The following C17orf50 variants were observed in gnomAD, a reference collection of about 807,000 sequenced individuals.
The protein encoded by C17orf50 is uncharacterized protein C17orf50.
In C17orf50, 16 loss-of-function variants were observed where a neutral mutation model predicts 17.7. The observed-to-expected ratio is 0.90, with a 90% CI of 0.61 to 1.37. C17orf50 has a LOEUF of 1.37. C17orf50 is among the 40% of genes most tolerant of loss of function. The pLI is 0.00. For missense variants in C17orf50, 271 were observed against 240.7 expected, an observed-to-expected ratio of 1.13 and a Z score of -0.83; for synonymous variants, 125 against 111.0, an observed-to-expected ratio of 1.13 and a Z score of -0.80.
At chr17:35,761,279 T>C (rs1356116041) in intron 1 of C17orf50, among the ~76,000 whole-genome samples, 2 of 151,642 alleles carry the variant, frequency 1.3e-5, no homozygotes, top group Non-Finnish European at 2.9e-5. Context: ...AATTTTTGTA[T>C]TTTGTATTTT....
Position 35,764,048 on chromosome 17 carries a change from C to T in C17orf50, c.55C>T (p.Arg19Trp), listed in dbSNP as rs1379619211. ...GTGGAAGAAGGAAACGGAAGAGCTCCGGGCCGAGGACGCGGAGCAAGAGGA... is the reference window on the plus strand; with the variant it reads ...GTGGAAGAAGGAAACGGAAGAGCTCTGGGCCGAGGACGCGGAGCAAGAGGA... ...PLWKKETEELRAEDAEQEEGK... is the reference protein window; with the variant it reads ...PLWKKETEELWAEDAEQEEGK... The change falls in exon 2 of 3, where the codon CGG (arginine) becomes TGG (tryptophan). Residue 19 changes from arginine (R) to tryptophan (W), a missense_variant. Coordinates refer to ENST00000605587, the MANE Select transcript of C17orf50 (RefSeq NM_145272.4). 3.9e-6 allele frequency: 6 copies of T among 1,549,256 alleles called. No homozygotes were observed. The highest frequency in any genetic ancestry group is 1.4e-5 in the African/African-American group (1 of 72,952).
At chr17:35,762,716 C>T (rs2085845062) in intron 1 of C17orf50, among the ~76,000 whole-genome samples, 1 of 152,082 alleles carries the variant, frequency 6.6e-6, no homozygotes, top group Non-Finnish European at 1.5e-5. Context: ...TGCTGTAAGC[C>T]CACCCGCCTG....
At position 35,764,726 on chromosome 17, in the gene C17orf50, C is replaced by G. The variant is rs2085901877; in HGVS notation, c.*108C>G. ...CCCTCTTCGACGCATTCCGCAGGAC[C>G]GCCCCTTCTCAGCTGCTGCCCAGAG... On this transcript the variant is annotated 3_prime_UTR_variant, in exon 3 of 3. Transcript: ENST00000605587. 8.0e-7 allele frequency: 1 copy of G among 1,253,836 alleles called. No homozygotes were observed. The highest frequency in any genetic ancestry group is 1.6e-5 in the South Asian group (1 of 63,922). 77.7% of individuals were successfully genotyped at this position (1,253,836 alleles called of 1,614,324 possible).
At chr17:35,762,455 G>A (rs184148415) in intron 1 of C17orf50, among the ~76,000 whole-genome samples, 38 of 152,300 alleles carry the variant, frequency 2.5e-4, no homozygotes, top group African/African-American at 9.1e-4. Context: ...TCTAGGGGAG[G>A]CCAGCTTAGT....
At position 35,764,475 on chromosome 17, in the gene C17orf50, C is replaced by A; in HGVS notation, c.382C>A (p.Pro128Thr). The change falls in exon 3 of 3, where the codon CCG (proline) becomes ACG (threonine). Residue 128 changes from proline (P) to threonine (T), a missense_variant. Transcript: ENST00000605587. ...GTGCGTGCTGGAGATCCGGCGACGA[C>A]CGCCGCGCCGCGGGGGCTGTGCTTG... is the stretch of plus-strand genomic sequence containing the variant. The part of the protein sequence containing the change: ...EPCVLEIRRR[P>T]PRRGGCACCE... 1.3e-6 allele frequency: 2 copies of A among 1,566,646 alleles called. No homozygotes were observed.
chr17:35,764,236 G>C lies in C17orf50; in HGVS notation c.243G>C (p.Gln81His), dbSNP rs1555602192. 1.3e-6 allele frequency: 2 copies of C among 1,543,252 alleles called. No individual in the cohort carries two copies. The highest frequency in any genetic ancestry group is 1.7e-6 in the Non-Finnish European group (2 of 1,144,698). ...CPLRQESSTQ[Q>H]VALLRRADSG... ...TGCGCCAGGAGTCCAGCACCCAGCA[G>C]GTGGCGCTGCTGCGGCGCGCGGACA... Residue 81 changes from glutamine (Q) to histidine (H), a missense_variant, in exon 2 of 3, where the codon CAG (glutamine) becomes CAC (histidine). Transcript: ENST00000605587.
In C17orf50 at chr17:35,764,516, C is replaced by A. The variant is rs1434594604; in HGVS notation, c.423C>A (p.Phe141Leu). 3 of 1,596,996 alleles carry A rather than the reference C, an allele frequency of 1.9e-6. No individual in the cohort carries two copies. Among genetic ancestry groups the A allele is most frequent in the Admixed American group, 3.4e-5 (2 of 58,702 alleles). ...GCTGTGCTTGCTGCGAGCTCCTCTT[C>A]TGCAAGAAATGCAGGAGTCTGCACA... ...RGGCACCELLFCKKCRSLHSH... is the reference protein window; with the variant it reads ...RGGCACCELLLCKKCRSLHSH... The change falls in exon 3 of 3, where the codon TTC (phenylalanine) becomes TTA (leucine). Residue 141 changes from phenylalanine to leucine, a missense_variant. Physicochemically the swap from Phe to Leu is conservative, Grantham distance 22 (BLOSUM62 0). Transcript: ENST00000605587.
At chr17:35,763,630 C>A (rs1555601952) in intron 1 of C17orf50, among the ~76,000 whole-genome samples, 2 of 151,682 alleles carry the variant, frequency 1.3e-5, no homozygotes, top group Admixed American at 6.6e-5. Context: ...GGTGCAGTGA[C>A]TCACGCCTGT....
chr17:35,764,478 C>G lies in C17orf50; in HGVS notation c.385C>G (p.Pro129Ala). ...PCVLEIRRRP[P>A]RRGGCACCEL... ...CGTGCTGGAGATCCGGCGACGACCGCCGCGCCGCGGGGGCTGTGCTTGCTG... is the reference window on the plus strand; with the variant it reads ...CGTGCTGGAGATCCGGCGACGACCGGCGCGCCGCGGGGGCTGTGCTTGCTG... The change falls in exon 3 of 3, where the codon CCG (proline) becomes GCG (alanine). Residue 129 changes from proline to alanine, a missense_variant. By Grantham distance (27) the Pro-to-Ala change is conservative. Coordinates refer to ENST00000605587, the MANE Select transcript of C17orf50 (RefSeq NM_145272.4). 6.4e-7 allele frequency: 1 copy of G among 1,568,632 alleles called. No individual in the cohort carries two copies.
At chr17:35,761,255 C>T (rs1273377567) in intron 1 of C17orf50, among the ~76,000 whole-genome samples, 3 of 151,566 alleles carry the variant, frequency 2.0e-5, no homozygotes, top group Non-Finnish European at 4.4e-5. Context: ...AGGAGCATGC[C>T]ACAACACCCA....
chr17:35,764,449 C>G lies in C17orf50; in HGVS notation c.356C>G (p.Pro119Arg), dbSNP rs781952915. ...AGGAAGCGGAGCCTCCCGGAGGAGCCGTGCGTGCTGGAGATCCGGCGACGA... is the reference window on the plus strand; with the variant it reads ...AGGAAGCGGAGCCTCCCGGAGGAGCGGTGCGTGCTGGAGATCCGGCGACGA... ...TDRKRSLPEE[P>R]CVLEIRRRPP... The change falls in exon 3 of 3, where the codon CCG becomes CGG. Residue 119 changes from proline (P) to arginine (R), a missense_variant. Physicochemically the swap from Pro to Arg is moderately radical, Grantham distance 103. Coordinates refer to ENST00000605587, the MANE Select transcript of C17orf50 (RefSeq NM_145272.4). 263 of 1,553,692 alleles carry G rather than the reference C, an allele frequency of 1.7e-4. 1 individual carries two copies. The South Asian group carries it at 3.0e-3, about 18-fold the overall frequency.
In C17orf50 at chr17:35,764,504, CGA is replaced by C. The variant is rs77234473; in HGVS notation, c.413_414del (p.Glu138AlafsTer29). On this transcript the variant is annotated frameshift_variant, in exon 3 of 3. Transcript: ENST00000605587. LOFTEE classifies it high-confidence loss of function. ...CGCGCCGCGGGGGCTGTGCTTGCTGCGAGCTCCTCTTCTGCAAGAAATGCAGG... is the reference window on the plus strand; with the variant it reads ...CGCGCCGCGGGGGCTGTGCTTGCTGCGCTCCTCTTCTGCAAGAAATGCAGG... ...PPRRGGCACC[E>X]LLFCKKCRSL... 8.7e-4 allele frequency: 1,389 copies of C among 1,589,634 alleles called. 15 individuals are homozygous for C. In the East Asian group the frequency reaches 0.026, roughly 29 times the overall value.
At chr17:35,762,698 T>C (rs2085844378) in intron 1 of C17orf50, among the ~76,000 whole-genome samples, 1 of 152,050 alleles carries the variant, frequency 6.6e-6, no homozygotes, top group African/African-American at 2.4e-5. Flanking sequence ...TTTCTAATCA[T>C]ACAGAGGTGC....
chr17:35,764,368 C>A, intron 2 of C17orf50, 43 bp downstream of exon 2: 2 of 1,453,160 alleles, frequency 1.4e-6, no homozygotes, highest in Non-Finnish European at 1.8e-6. Flanking sequence ...GAGGCGGTGC[C>A]CGGGCCCCAG....
In C17orf50 at chr17:35,764,630, C is replaced by G. The variant is rs2085899438; in HGVS notation, c.*12C>G. ...CTGGGAACTCCTGAGCGCCCCCGCT[C>G]CCAGCCTTTGTGCCCTCCATCATTT... is the stretch of plus-strand genomic sequence containing the variant. On this transcript the variant is annotated 3_prime_UTR_variant, in exon 3 of 3. Coordinates refer to ENST00000605587, the MANE Select transcript of C17orf50 (RefSeq NM_145272.4). 6.4e-7 allele frequency: 1 copy of G among 1,565,314 alleles called. No homozygotes were observed. The highest frequency in any genetic ancestry group is 8.6e-7 in the Non-Finnish European group (1 of 1,163,358).
intron 1 of C17orf50, 23 bp downstream of exon 1, chr17:35,760,977 T>A: frequency 6.2e-7 from 1 of 1,609,830 alleles, no homozygotes; most frequent in South Asian, 1.1e-5. Flanking sequence ...GGAGGCAGGG[T>A]GGGGCTGGAG....
chr17:35,764,330 C>T lies in C17orf50; in HGVS notation c.332+5C>T. On this transcript the variant is annotated splice_donor_5th_base_variant and intron_variant, in intron 2 of 2. Coordinates refer to ENST00000605587, the MANE Select transcript of C17orf50 (RefSeq NM_145272.4). Reference sequence around the variant, plus strand: ...CCTAACAGCTCCCACCGACAGGTGCCTGCGCGCTCCTCGACCGGGGCACGA... The same window carrying T: ...CCTAACAGCTCCCACCGACAGGTGCTTGCGCGCTCCTCGACCGGGGCACGA... 1 of 1,468,038 alleles carries T rather than the reference C, an allele frequency of 6.8e-7. No individual in the cohort carries two copies. The highest frequency in any genetic ancestry group is 9.0e-7 in the Non-Finnish European group (1 of 1,115,832). 90.9% of individuals were successfully genotyped at this position (1,468,038 alleles called of 1,614,324 possible).
chr17:35,763,875 C>T (rs2085874193), intron 1 of C17orf50, 132 bp from the exon 2 acceptor site: 1 of 715,682 alleles, frequency 1.4e-6, no homozygotes, highest in African/African-American at 2.0e-5. Flanking sequence ...CTAGCCTGAG[C>T]TACAGAGAGA....
In C17orf50 at chr17:35,761,701, A is replaced by C. The variant is rs139771967; in HGVS notation, c.13+747A>C. ...GTCTCCCTCTGTCTTGTCAGAGGGA[A>C]CATCCTAAAACACAGCTTGGAACAC... On this transcript the variant is annotated intron_variant, in intron 1 of 2. Coordinates refer to ENST00000605587, the MANE Select transcript of C17orf50 (RefSeq NM_145272.4). 3.5e-4 allele frequency among the ~76,000 whole-genome samples: 53 copies of C among 152,344 alleles called. No homozygotes were observed. The East Asian group carries it at 9.8e-3, about 28-fold the overall frequency.
Sources: gnomAD v4.1 joint callset for allele counts (sites outside exome capture counted in the v4.1 genomes callset) on GRCh38, gnomAD v4.1.1 for gene constraint, MANE v1.5 for transcripts, NCBI Gene and HGNC (gene_info 2026-07-23, HGNC 2026-07-21) for gene names.